The following MTTP variants were observed in gnomAD, a reference collection of about 807,000 sequenced individuals.
MTTP encodes microsomal triglyceride transfer protein, also known as microsomal triglyceride transfer protein large subunit.
In MTTP, 49 loss-of-function variants were observed where a neutral mutation model predicts 90.6. The observed-to-expected ratio is 0.54, with a 90% CI of 0.43 to 0.69. The LOEUF (loss-of-function observed/expected upper bound fraction) is 0.69. MTTP is among the 30% of genes least tolerant of loss of function. The pLI, the probability that MTTP is intolerant of heterozygous loss-of-function variation, is 0.00. For synonymous variants in MTTP, 347 were observed against 384.2 expected (o/e 0.90, Z 1.13); for missense variants, 945 against 1,067.5 (o/e 0.89, Z 1.60).
At chr4:99,569,864 A>G (rs1035269790), upstream of MTTP, among the ~76,000 whole-genome samples, 1 of 152,066 alleles carries the variant, frequency 6.6e-6, no homozygotes, top group Non-Finnish European at 1.5e-5. Context: ...ATACCAAACT[A>G]TACAAAATAC....
chr4:99,600,370 G>T (rs940143035), intron 8 of MTTP, among the ~76,000 whole-genome samples, 195 bp from the exon 9 acceptor site: 13 of 151,874 alleles, frequency 8.6e-5, no homozygotes, highest in Non-Finnish European at 4.4e-5. Context: ...AGAGAGGGGC[G>T]TTCAAGGAGA....
chr4:99,578,513 T>A (rs28704064), intron 1 of MTTP, among the ~76,000 whole-genome samples: 39,832 of 152,084 alleles, frequency 0.26, 5,384 homozygotes, highest in South Asian at 0.35. Context: ...TTAGGCTTTA[T>A]CTCCTGTTGA....
chr4:99,594,555 G>T lies in MTTP; in HGVS notation c.759-178G>T, dbSNP rs78535955. On this transcript the variant is annotated intron_variant, in intron 6 of 17. Coordinates refer to ENST00000265517, the MANE Select transcript of MTTP (RefSeq NM_001386140.1). ...TTTCAAATCTTTTAATATAATTGTT[G>T]CTCCAGAAAGACTTCATAATGAGCT... Among the ~76,000 whole-genome samples the T allele has an allele frequency of 5.2e-3, 792 of 152,148 alleles. 5 individuals carry two copies. Among genetic ancestry groups the T allele is most frequent in the Non-Finnish European group, 8.6e-3 (585 of 68,020 alleles).
In MTTP at chr4:99,623,589, C is replaced by G. The variant is rs1000398830; in HGVS notation, c.*741C>G. 4 of 152,412 alleles carry G rather than the reference C, an allele frequency of 2.6e-5. No individual in the cohort carries two copies. The highest frequency in any genetic ancestry group is 9.6e-5 in the African/African-American group (4 of 41,554). The allele number at this position is 152,412 out of a possible 1,614,324, so 9.4% of individuals were successfully genotyped here. ...ATCAGGAAAATTAATTTCAGAAACT[C>G]CATTTGATTTTTCTTTTGCTGTGTC... On this transcript the variant is annotated 3_prime_UTR_variant, in exon 18 of 18. Coordinates refer to ENST00000265517, the MANE Select transcript of MTTP (RefSeq NM_001386140.1).
At chr4:99,620,501 G>A (rs1326206444) in intron 16 of MTTP, among the ~76,000 whole-genome samples, 1 of 152,118 alleles carries the variant, frequency 6.6e-6, no homozygotes, top group East Asian at 1.9e-4. Context: ...AGGACCTACT[G>A]TACATGCCCC....
In MTTP at chr4:99,606,937, G is replaced by A; in HGVS notation, c.1534G>A (p.Asp512Asn). Reference protein sequence around the residue: ...HLATTALQRYDLPFITDEVKK... With the variant: ...HLATTALQRYNLPFITDEVKK... ...GGCTACCACTGCTCTCCAGAGATAT[G>A]ATCTCCCTTTCATAACTGATGAGGT... is the stretch of plus-strand genomic sequence containing the variant. The change falls in exon 11 of 18, where the codon GAT becomes AAT. Residue 512 changes from aspartate (D) to asparagine (N), a missense_variant. Coordinates refer to ENST00000265517, the MANE Select transcript of MTTP (RefSeq NM_001386140.1). 6.2e-7 allele frequency: 1 copy of A among 1,613,428 alleles called. No individual in the cohort carries two copies. Among genetic ancestry groups the A allele is most frequent in the Non-Finnish European group, 8.5e-7 (1 of 1,179,732 alleles).
At chr4:99,573,696 T>G (rs1724889197), upstream of MTTP, among the ~76,000 whole-genome samples, 1 of 152,172 alleles carries the variant, frequency 6.6e-6, no homozygotes, top group Non-Finnish European at 1.5e-5. Flanking sequence ...TCTGGAAGAT[T>G]TAAGCTCAAG....
At chr4:99,592,468 C>CA (rs145037614) in intron 6 of MTTP, among the ~76,000 whole-genome samples, 1 of 151,870 alleles carries the variant, frequency 6.6e-6, no homozygotes, top group African/African-American at 2.4e-5. Context: ...TATAGGTGTA[C>CA]AAAAAATATT....
intron 7 of MTTP, 92 bp from the exon 8 acceptor site, chr4:99,596,974 CA>C (rs1725568435): frequency 1.3e-6 from 2 of 1,560,822 alleles, no homozygotes; most frequent in African/African-American, 2.7e-5. Flanking sequence ...GCTTCAGACA[CA>C]AGGGACATTT....
chr4:99,623,141 G>A lies in MTTP; in HGVS notation c.*293G>A, dbSNP rs1726283598. ...ATAGTTATTCTCTAAGAGGAAACTA[G>A]TGTTTGTTAAAAACAAAAATAAAAA... is the stretch of plus-strand genomic sequence containing the variant. On this transcript the variant is annotated 3_prime_UTR_variant, in exon 18 of 18. Coordinates refer to ENST00000265517, the MANE Select transcript of MTTP (RefSeq NM_001386140.1). The A allele has an allele frequency of 4.8e-6, 2 of 417,346 alleles. No homozygotes were observed. Among genetic ancestry groups the A allele is most frequent in the South Asian group, 2.5e-5 (1 of 40,130 alleles). The allele number at this position is 417,346 out of a possible 1,614,324, so 25.9% of individuals were successfully genotyped here. A position where few individuals can be genotyped will look rare whatever the true frequency, so the allele number is the denominator to read the frequency against.
intron 17 of MTTP, among the ~76,000 whole-genome samples, chr4:99,621,896 C>T (rs1442849632): frequency 3.3e-5 from 5 of 152,072 alleles, no homozygotes; most frequent in African/African-American, 4.8e-5. Flanking sequence ...TAGCACTGAC[C>T]CTTTCATAAT....
chr4:99,621,270 C>T (rs1179117593), intron 17 of MTTP, 39 bp downstream of exon 17: 3 of 1,600,588 alleles, frequency 1.9e-6, no homozygotes, highest in African/African-American at 2.7e-5. Context: ...AGGACCATCC[C>T]CAGTGCACCA....
At chr4:99,572,212 GGAA>G (rs1724856046), upstream of MTTP, among the ~76,000 whole-genome samples, 1 of 151,818 alleles carries the variant, frequency 6.6e-6, no homozygotes, top group Non-Finnish European at 1.5e-5. Flanking sequence ...TACTACCTAA[GGAA>G]TTTCATTGCA....
intron 6 of MTTP, 112 bp from the exon 7 acceptor site, chr4:99,594,621 C>G (rs1445845399): frequency 8.2e-7 from 1 of 1,222,534 alleles, no homozygotes; most frequent in Admixed American, 1.8e-5. Flanking sequence ...AAAGACATGG[C>G]TATATACAAC....
chr4:99,569,183 C>T (rs1053470247), intron 1 of MTTP, among the ~76,000 whole-genome samples: 3 of 152,086 alleles, frequency 2.0e-5, no homozygotes, highest in Admixed American at 6.5e-5. Flanking sequence ...GAAAATAGCA[C>T]TTTACCTCTG....
At position 99,614,436 on chromosome 4, in the gene MTTP, A is replaced by T. The variant is rs1424323516; in HGVS notation, c.2217+1296A>T. Among the ~76,000 whole-genome samples the T allele has an allele frequency of 2.6e-5, 4 of 152,364 alleles. No individual in the cohort carries two copies. In the South Asian group the frequency reaches 8.3e-4, roughly 32 times the overall value. On this transcript the variant is annotated intron_variant, in intron 15 of 17. Coordinates refer to ENST00000265517, the MANE Select transcript of MTTP (RefSeq NM_001386140.1). Reference sequence around the variant, plus strand: ...TGGGATTAAACAGTGTTAATTTTCTATCTTTCTTGTTCCTCATATCAGCTC... The same window carrying T: ...TGGGATTAAACAGTGTTAATTTTCTTTCTTTCTTGTTCCTCATATCAGCTC...
At chr4:99,583,093 A>G (rs1725167690) in intron 2 of MTTP, among the ~76,000 whole-genome samples, 1 of 152,162 alleles carries the variant, frequency 6.6e-6, no homozygotes, top group African/African-American at 2.4e-5. Context: ...GAAGAGTGGC[A>G]ATGATAGGAA....
chr4:99,615,487 C>T (rs1165331711), intron 15 of MTTP, among the ~76,000 whole-genome samples: 3 of 152,210 alleles, frequency 2.0e-5, no homozygotes, highest in Non-Finnish European at 4.4e-5. Context: ...AGCCCAGTGT[C>T]TGTGTGTCAG....
At chr4:99,591,557 CTGTT>C in intron 5 of MTTP, 90 bp from the exon 6 acceptor site, 2 of 1,386,598 alleles carry the variant, frequency 1.4e-6, no homozygotes, top group Non-Finnish European at 2.0e-6. Flanking sequence ...AATGGGGAAG[CTGTT>C]TGTAGACTGA....
Sources: allele counts gnomAD v4.1 joint callset (sites outside exome capture counted in the v4.1 genomes callset), GRCh38; gene constraint gnomAD v4.1.1; transcripts MANE v1.5; gene names NCBI Gene and HGNC (gene_info 2026-07-23, HGNC 2026-07-21).